Variants in PLAAT1 observed in about 807,000 individuals in gnomAD.
The protein encoded by PLAAT1 is H-REV107 protein-related protein.
Under a neutral mutation model 16.4 loss-of-function variants are expected in PLAAT1, and 13 were observed. That is an observed-to-expected ratio of 0.79 (90% confidence interval 0.52 to 1.26). The LOEUF (loss-of-function observed/expected upper bound fraction) is 1.26, where lower values mean the gene tolerates loss of function less well. Ranked by LOEUF, PLAAT1 falls within the 50% of genes most tolerant of loss-of-function variation. The pLI is 0.00. For missense variants in PLAAT1, 218 were observed against 207.8 expected, an observed-to-expected ratio of 1.05 and a Z score of -0.30; for synonymous variants, 73 against 78.4, an observed-to-expected ratio of 0.93 and a Z score of 0.36.
intron 1 of PLAAT1, among the ~76,000 whole-genome samples, chr3:193,242,109 T>G (rs1025700225): frequency 6.4e-5 from 3 of 46,776 alleles, no homozygotes; most frequent in Admixed American, 1.8e-4. Context: ...TTATGAGAGG[T>G]TTTTTTTTTG....
rs62287596 is a variant in PLAAT1 at position 193,255,608 on chromosome 3, G to C, written c.1-43G>C. Reference sequence around the variant, plus strand: ...GATGTCTTAAACTGATTTTCTTTTGGCAAGTTGTATTAGCTAGCTCTTCTT... The same window carrying C: ...GATGTCTTAAACTGATTTTCTTTTGCCAAGTTGTATTAGCTAGCTCTTCTT... On this transcript the variant is annotated intron_variant, in intron 1 of 3. Transcript: ENST00000264735. The C allele has an allele frequency of 3.2e-6, 5 of 1,552,068 alleles. No individual in the cohort carries two copies. The South Asian group carries it at 4.8e-5, about 15-fold the overall frequency.
exon 3 of PLAAT1, chr3:193,277,656 G>A (rs1252180382): frequency 6.6e-6 from 1 of 152,148 alleles, no homozygotes; most frequent in African/African-American, 2.4e-5. Flanking sequence ...TCTTAATCAA[G>A]TTGTGAAATA....
At chr3:193,276,488 G>T (rs774730791) in intron 2 of PLAAT1, among the ~76,000 whole-genome samples, 1 of 152,156 alleles carries the variant, frequency 6.6e-6, no homozygotes, top group Non-Finnish European at 1.5e-5. Flanking sequence ...GCAATACAGT[G>T]CATTCATGGA....
chr3:193,251,627 G>A (rs1480000777), intron 1 of PLAAT1, among the ~76,000 whole-genome samples: 4 of 152,162 alleles, frequency 2.6e-5, no homozygotes, highest in African/African-American at 7.2e-5. Flanking sequence ...TGAACATTAG[G>A]TGTAAGACAG....
chr3:193,242,122 C>CT (rs773961794), intron 1 of PLAAT1, among the ~76,000 whole-genome samples: 4,955 of 141,876 alleles, frequency 0.035, 105 homozygotes, highest in African/African-American at 0.052. Context: ...TTTTTTTGCG[C>CT]TTTTTTTTTT....
intron 3 of PLAAT1, among the ~76,000 whole-genome samples, chr3:193,265,946 GTTTAC>G (rs917433063): frequency 1.5e-4 from 23 of 152,178 alleles, no homozygotes; most frequent in Non-Finnish European, 3.2e-4. Context: ...ATTTTTATTT[GTTTAC>G]TTATTTTATT....
intron 1 of PLAAT1, among the ~76,000 whole-genome samples, chr3:193,245,457 G>T (rs1028138595): frequency 6.6e-6 from 1 of 152,152 alleles, no homozygotes; most frequent in African/African-American, 2.4e-5. Flanking sequence ...CACTTAGGTT[G>T]CTTCTGTATC....
At chr3:193,281,349 A>G (rs1717486936), downstream of PLAAT1, 1 of 204,684 alleles carries the variant, frequency 4.9e-6, no homozygotes, top group South Asian at 1.7e-4. Flanking sequence ...ACAAGTGAGC[A>G]ATGTAGAAAC....
downstream of PLAAT1, among the ~76,000 whole-genome samples, chr3:193,273,678 TA>T (rs1717061838): frequency 6.6e-6 from 1 of 152,212 alleles, no homozygotes; most frequent in East Asian, 1.9e-4. Context: ...GTAGGTAATT[TA>T]AAATGTTCAC....
intron 3 of PLAAT1, among the ~76,000 whole-genome samples, chr3:193,264,511 C>T (rs1311249702): frequency 6.8e-6 from 1 of 147,870 alleles, no homozygotes; most frequent in Admixed American, 6.8e-5. Context: ...TCTTCTTCTT[C>T]TTTTTTTTTT....
chr3:193,244,943 A>G (rs546989155), intron 1 of PLAAT1, among the ~76,000 whole-genome samples: 19 of 152,304 alleles, frequency 1.2e-4, no homozygotes, highest in Admixed American at 7.8e-4. Flanking sequence ...CCACTTCTCA[A>G]TACTACCACA....
At chr3:193,241,564 A>T in intron 1 of PLAAT1, 31 bp downstream of exon 1, 2 of 1,229,134 alleles carry the variant, frequency 1.6e-6, no homozygotes, top group Non-Finnish European at 2.0e-6. Context: ...GAGGACCTCG[A>T]GGCGCCCCGG....
At chr3:193,245,413 G>A (rs773690356) in intron 1 of PLAAT1, among the ~76,000 whole-genome samples, 18 of 152,062 alleles carry the variant, frequency 1.2e-4, no homozygotes, top group Non-Finnish European at 2.6e-4. Flanking sequence ...ATGTGTATAT[G>A]TACCACATTT....
intron 1 of PLAAT1, among the ~76,000 whole-genome samples, chr3:193,243,576 G>GA (rs1485020940): frequency 6.6e-6 from 1 of 152,152 alleles, no homozygotes; most frequent in African/African-American, 2.4e-5. Context: ...TTGAGAAGGG[G>GA]AAAAAATGAA....
intron 2 of PLAAT1, among the ~76,000 whole-genome samples, chr3:193,257,629 A>G (rs1382326838): frequency 6.6e-6 from 1 of 152,214 alleles, no homozygotes; most frequent in African/African-American, 2.4e-5. Flanking sequence ...GATGCTTAAT[A>G]TCTAGTGTCA....
At chr3:193,270,985 C>T, downstream of PLAAT1, 2 of 405,180 alleles carry the variant, frequency 4.9e-6, no homozygotes. Context: ...TTTATTTCTA[C>T]TATAAATATT....
At chr3:193,241,096 G>A (rs1203157394), upstream of PLAAT1, 20 of 785,260 alleles carry the variant, frequency 2.5e-5, no homozygotes, top group African/African-American at 2.8e-4. Context: ...GCTGCGTCGG[G>A]GCGCGAGAAG....
In PLAAT1 at chr3:193,246,195, A is replaced by C. The variant is rs536259217; in HGVS notation, c.-1+4662A>C. 3.1e-3 allele frequency among the ~76,000 whole-genome samples: 474 copies of C among 152,214 alleles called. 7 individuals carry two copies. The East Asian group carries it at 0.033, about 11-fold the overall frequency. On this transcript the variant is annotated intron_variant, in intron 1 of 3. Coordinates refer to ENST00000264735, the MANE Select transcript of PLAAT1 (RefSeq NM_020386.5). Reference sequence around the variant, plus strand: ...GCATGATGGTGTCTGTGGGCTTGTCATATATGGCCTTTATTGTGTTAAGGT... The same window carrying C: ...GCATGATGGTGTCTGTGGGCTTGTCCTATATGGCCTTTATTGTGTTAAGGT...
intron 2 of PLAAT1, among the ~76,000 whole-genome samples, chr3:193,277,479 A>G (rs1052616555): frequency 6.6e-6 from 1 of 152,174 alleles, no homozygotes; most frequent in African/African-American, 2.4e-5. Flanking sequence ...GACCCCACCC[A>G]AGAGTGGAAT....
Sources: gnomAD v4.1 joint callset for allele counts (sites outside exome capture counted in the v4.1 genomes callset) on GRCh38, gnomAD v4.1.1 for gene constraint, MANE v1.5 for transcripts, NCBI Gene and HGNC (gene_info 2026-07-23, HGNC 2026-07-21) for gene names.